FSIP2: variants seen among roughly 807,000 people sequenced by gnomAD.
The protein encoded by FSIP2 is fibrous sheath interacting protein 2.
In FSIP2, 367 loss-of-function variants were observed where a neutral mutation model predicts 510.5. The ratio of observed to expected loss-of-function variants is 0.72; its 90% CI spans 0.66 to 0.78. The LOEUF (loss-of-function observed/expected upper bound fraction) is 0.78. Among genes scored for constraint, FSIP2 ranks in the 30% least tolerant of loss-of-function variants. FSIP2 has a pLI of 0.00. For missense variants in FSIP2, 7,594 were observed against 7,901.7 expected (o/e 0.96, Z 1.48); for synonymous variants, 2,601 against 2,732.2 (o/e 0.95, Z 1.50).
At chr2:185,781,761 G>A (rs1486335039) in intron 13 of FSIP2, among the ~76,000 whole-genome samples, 1 of 152,150 alleles carries the variant, frequency 6.6e-6, no homozygotes, top group Non-Finnish European at 1.5e-5. Context: ...TATTTGTTTA[G>A]CATATTGCTG....
At chr2:185,745,349 A>C (rs1692006138) in intron 4 of FSIP2, 80 bp from the exon 5 acceptor site, 2 of 849,432 alleles carry the variant, frequency 2.4e-6, no homozygotes, top group Admixed American at 7.1e-5. Flanking sequence ...GCATTTATAA[A>C]ATATATAAAT....
chr2:185,815,989 G>A (rs183372181), intron 19 of FSIP2, among the ~76,000 whole-genome samples: 63 of 152,144 alleles, frequency 4.1e-4, no homozygotes, highest in African/African-American at 1.5e-3. Flanking sequence ...AAGTTTGGAT[G>A]ACACTAGGGG....
At position 185,776,985 on chromosome 2, in the gene FSIP2, A is replaced by G. The variant is rs199767701; in HGVS notation, c.1412-5720A>G. 1.4e-4 allele frequency among the ~76,000 whole-genome samples: 21 copies of G among 152,132 alleles called. No individual in the cohort carries two copies. In the East Asian group the frequency reaches 4.1e-3, roughly 30 times the overall value. ...GTGATCTGCCCACCTCAGCCTCCCA[A>G]AGTGCTGTGATTACAGGCGTGAGCC... On this transcript the variant is annotated intron_variant, in intron 13 of 22. Coordinates refer to ENST00000424728, the MANE Select transcript of FSIP2 (RefSeq NM_173651.4).
chr2:185,794,714 A>G lies in FSIP2; in HGVS notation c.7578A>G (p.Thr2526=), dbSNP rs1693226758. The change falls in exon 16 of 23, where the codon ACA becomes ACG. Residue 2526 remains threonine, a synonymous_variant. Coordinates refer to ENST00000424728, the MANE Select transcript of FSIP2 (RefSeq NM_173651.4). ...SNSKIKTSDT[T]QKNSFQSHIN... is the part of the protein sequence containing the mutation. ...CTAAGATTAAAACATCAGACACAAC[A>G]CAGAAAAACAGTTTTCAATCACATA... 2 of 1,534,096 alleles carry G rather than the reference A, an allele frequency of 1.3e-6. No homozygotes were observed.
Position 185,830,086 on chromosome 2 carries a change from G to A in FSIP2, c.20518-1727G>A, listed in dbSNP as rs369264983. 5.9e-5 allele frequency among the ~76,000 whole-genome samples: 9 copies of A among 151,898 alleles called. No individual in the cohort carries two copies. In the South Asian group the frequency reaches 1.0e-3, roughly 18 times the overall value. Reference sequence around the variant, plus strand: ...TGAAACCATAGCCATGAGAGGCAGGGTAGGATGTATGATTTGAACATAATG... The same window carrying A: ...TGAAACCATAGCCATGAGAGGCAGGATAGGATGTATGATTTGAACATAATG... On this transcript the variant is annotated intron_variant, in intron 21 of 22. Transcript: ENST00000424728.
In FSIP2 at chr2:185,790,381, A is replaced by G; in HGVS notation, c.3245A>G (p.Lys1082Arg). ...PPSTNHEDILKKKLSSNKDIS... is the reference protein window; with the variant it reads ...PPSTNHEDILRKKLSSNKDIS... ...TCTACTAATCATGAAGATATTTTAA[A>G]GAAAAAACTTTCTTCGAATAAAGAC... The change falls in exon 16 of 23, where the codon AAG becomes AGG. Residue 1082 changes from lysine (K) to arginine (R), a missense_variant. By Grantham distance (26) the Lys-to-Arg change is conservative. Transcript: ENST00000424728. 2 of 1,527,856 alleles carry G rather than the reference A, an allele frequency of 1.3e-6. No individual in the cohort carries two copies. The highest frequency in any genetic ancestry group is 1.7e-6 in the Non-Finnish European group (2 of 1,143,964). 94.6% of individuals were successfully genotyped at this position (1,527,856 alleles called of 1,614,324 possible). A position where few individuals can be genotyped will look rare whatever the true frequency, so the allele number is the denominator to read the frequency against.
Position 185,806,006 on chromosome 2 carries a change from AAAG to A in FSIP2, c.16703_16705del (p.Arg5568del). 5.8e-6 allele frequency: 9 copies of A among 1,555,684 alleles called. No individual in the cohort carries two copies. Among genetic ancestry groups the A allele is most frequent in the Non-Finnish European group, 6.9e-6 (8 of 1,153,360 alleles). ...TTTAATAATAATGAAATTGAGAAGA[AAAG>A]AAATTTAATTCCAACAGATAAAAAA... On this transcript the variant is annotated inframe_deletion, in exon 17 of 23. Coordinates refer to ENST00000424728, the MANE Select transcript of FSIP2 (RefSeq NM_173651.4).
At chr2:185,799,666 A>T (rs1312493626) in intron 16 of FSIP2, 31 bp from the exon 17 acceptor site, 1 of 1,075,336 alleles carries the variant, frequency 9.3e-7, no homozygotes, top group Non-Finnish European at 1.3e-6. Flanking sequence ...TCTTTAATCC[A>T]TGCTAAAATT....
At position 185,806,749 on chromosome 2, in the gene FSIP2, G is replaced by A. The variant is rs908869237; in HGVS notation, c.17443G>A (p.Val5815Ile). ...ETQIQDRCQN[V>I]SDKQNQAKLY... is the part of the protein sequence containing the mutation. ...ACAAATACAAGATAGATGTCAAAATGTTAGTGATAAGCAAAATCAAGCCAA... is the reference window on the plus strand; with the variant it reads ...ACAAATACAAGATAGATGTCAAAATATTAGTGATAAGCAAAATCAAGCCAA... Residue 5815 changes from valine to isoleucine, a missense_variant, in exon 17 of 23, where the codon GTT becomes ATT. Val to Ile is a conservative substitution (Grantham distance 29). Transcript: ENST00000424728. 1 of 1,611,772 alleles carries A rather than the reference G, an allele frequency of 6.2e-7. No homozygotes were observed. The highest frequency in any genetic ancestry group is 1.3e-5 in the African/African-American group (1 of 74,912).
intron 8 of FSIP2, among the ~76,000 whole-genome samples, chr2:185,755,446 C>T (rs1246217493): frequency 6.6e-6 from 1 of 151,526 alleles, no homozygotes. Context: ...GTAGCTTAAA[C>T]ATTTGTTATT....
chr2:185,801,736 G>T lies in FSIP2; in HGVS notation c.12430G>T (p.Glu4144Ter). 1 of 1,529,986 alleles carries T rather than the reference G, an allele frequency of 6.5e-7. No homozygotes were observed. Among genetic ancestry groups the T allele is most frequent in the Non-Finnish European group, 8.7e-7 (1 of 1,143,770 alleles). 94.8% of individuals were successfully genotyped at this position (1,529,986 alleles called of 1,614,324 possible). ...YSTMLSHSFLEDVIRRLLSQL... is the reference protein window; with the variant it reads ...YSTMLSHSFL The stretch of plus-strand genomic sequence containing the variant: ...TACCATGTTATCACATTCATTTTTA[G>T]AAGATGTCATAAGAAGGCTTTTATC... Residue 4144 changes from glutamate (E) to a stop codon, truncating the protein, a stop_gained, in exon 17 of 23, where the codon GAA (glutamate) becomes TAA (stop). Coordinates refer to ENST00000424728, the MANE Select transcript of FSIP2 (RefSeq NM_173651.4). LOFTEE classifies it high-confidence loss of function.
chr2:185,814,180 G>C, intron 18 of FSIP2, 138 bp downstream of exon 18: 3 of 860,406 alleles, frequency 3.5e-6, no homozygotes, highest in Non-Finnish European at 5.2e-6. Flanking sequence ...TACAGGATAA[G>C]GGAAATTATT....
At chr2:185,830,004 G>A (rs745396455) in intron 21 of FSIP2, among the ~76,000 whole-genome samples, 1 of 151,862 alleles carries the variant, frequency 6.6e-6, no homozygotes, top group Non-Finnish European at 1.5e-5. Context: ...ATTCTTAATA[G>A]TAGTGCACAC....
intron 11 of FSIP2, 63 bp from the exon 12 acceptor site, chr2:185,763,120 A>G (rs1008517008): frequency 4.0e-6 from 3 of 751,502 alleles, no homozygotes; most frequent in Non-Finnish European, 6.9e-6. Flanking sequence ...CTGTAAATTA[A>G]TATTAACCCT....
intron 7 of FSIP2, among the ~76,000 whole-genome samples, chr2:185,749,263 A>T (rs1692097150): frequency 6.6e-6 from 1 of 151,872 alleles, no homozygotes; most frequent in Non-Finnish European, 1.5e-5. Flanking sequence ...TATAATATTG[A>T]GTTTTTCAAC....
chr2:185,795,260 GACT>G lies in FSIP2; in HGVS notation c.8125_8127del (p.Thr2709del), dbSNP rs1330395593. ...AGACCCTAAAAGACAGCAGATCCAA[GACT>G]GCCATTGGGTTGTCACACATCATGT... On this transcript the variant is annotated inframe_deletion, in exon 16 of 23. Transcript: ENST00000424728. The G allele has an allele frequency of 6.5e-7, 1 of 1,535,136 alleles. No individual in the cohort carries two copies. The highest frequency in any genetic ancestry group is 8.7e-7 in the Non-Finnish European group (1 of 1,146,294).
chr2:185,797,277 T>G lies in FSIP2; in HGVS notation c.10141T>G (p.Leu3381Val). Reference sequence around the variant, plus strand: ...AGGGCAAAAGGATAACGAAAAAAGTTTGCTTAGAATGCAGGATAAAAAAAT... The same window carrying G: ...AGGGCAAAAGGATAACGAAAAAAGTGTGCTTAGAATGCAGGATAAAAAAAT... Reference protein sequence around the residue: ...SGGQKDNEKSLLRMQDKKINY... With the variant: ...SGGQKDNEKSVLRMQDKKINY... The change falls in exon 16 of 23, where the codon TTG becomes GTG. Residue 3381 changes from leucine to valine, a missense_variant. Physicochemically the swap from Leu to Val is conservative, Grantham distance 32. Transcript: ENST00000424728. 6.5e-7 allele frequency: 1 copy of G among 1,534,080 alleles called. No homozygotes were observed. The highest frequency in any genetic ancestry group is 8.7e-7 in the Non-Finnish European group (1 of 1,146,056).
At chr2:185,752,343 G>T (rs1002888795) in intron 7 of FSIP2, among the ~76,000 whole-genome samples, 32 of 150,128 alleles carry the variant, frequency 2.1e-4, no homozygotes, top group African/African-American at 7.3e-4. Flanking sequence ...TGTTTTTCTG[G>T]AAACTTTAAA....
intron 1 of FSIP2, 144 bp from the exon 2 acceptor site, chr2:185,739,202 A>G: frequency 8.8e-7 from 1 of 1,136,770 alleles, no homozygotes; most frequent in Admixed American, 3.0e-5. Context: ...GCTGGTGACC[A>G]GGGAAAACGG....
Sources: gnomAD v4.1 joint callset for allele counts (sites outside exome capture counted in the v4.1 genomes callset) on GRCh38, gnomAD v4.1.1 for gene constraint, MANE v1.5 for transcripts, NCBI Gene and HGNC (gene_info 2026-07-23, HGNC 2026-07-21) for gene names.